The following VPS18 variants were observed in gnomAD, a reference collection of about 807,000 sequenced individuals.
VPS18 encodes the protein VPS18 core subunit of CORVET and HOPS complexes.
A neutral mutation model predicts 82.0 loss-of-function variants in VPS18; 25 were observed. The observed-to-expected ratio is 0.30, with a 90% CI of 0.22 to 0.43. VPS18 has a LOEUF of 0.43. Ranked by LOEUF, VPS18 falls within the 20% of genes least tolerant of loss-of-function variation. VPS18 has a pLI of 1.00. For missense variants in VPS18, 1,168 were observed against 1,311.1 expected (o/e 0.89, Z 1.69); for synonymous variants, 523 against 543.0 (o/e 0.96, Z 0.51).
chr15:40,900,267 C>T lies in VPS18; in HGVS notation c.1449C>T (p.Ala483=), dbSNP rs756619273. 10 of 1,613,756 alleles carry T rather than the reference C, an allele frequency of 6.2e-6. No individual in the cohort carries two copies. The highest frequency in any genetic ancestry group is 3.3e-5 in the South Asian group (3 of 91,074). ...LQRKLASLKP[A]ERTQATLLTT... is the part of the protein sequence containing the mutation. ...GAAAACTGGCCAGTTTGAAGCCAGC[C>T]GAACGTACCCAGGCCACACTGCTGA... Residue 483 remains alanine, a synonymous_variant, in exon 4 of 5, where the codon GCC becomes GCT. Coordinates refer to ENST00000220509, the MANE Select transcript of VPS18 (RefSeq NM_020857.3). This position sits in a 1 kb window ranked among gnomAD's most constrained non-coding sequence, Gnocchi z 5.4.
At position 40,903,638 on chromosome 15, in the gene VPS18, C is replaced by A. The variant is rs1021633618; in HGVS notation, c.*297C>A. 5 of 305,192 alleles carry A rather than the reference C, an allele frequency of 1.6e-5. No homozygotes were observed. Among genetic ancestry groups the A allele is most frequent in the Non-Finnish European group, 2.4e-5 (4 of 164,562 alleles). The allele number at this position is 305,192 out of a possible 1,614,324, so 18.9% of individuals were successfully genotyped here. ...CAATTCCACCCCCTGCCTCTAGCACCTCTTCTGTCCCTGTCATTCCCCACA... is the reference window on the plus strand; with the variant it reads ...CAATTCCACCCCCTGCCTCTAGCACATCTTCTGTCCCTGTCATTCCCCACA... On this transcript the variant is annotated 3_prime_UTR_variant, in exon 5 of 5. Transcript: ENST00000220509.
At position 40,902,925 on chromosome 15, in the gene VPS18, G is replaced by T; in HGVS notation, c.2506G>T (p.Asp836Tyr). 6.2e-7 allele frequency: 1 copy of T among 1,614,272 alleles called. No individual in the cohort carries two copies. The highest frequency in any genetic ancestry group is 8.5e-7 in the Non-Finnish European group (1 of 1,180,054). The change falls in exon 5 of 5, where the codon GAC becomes TAC. Residue 836 changes from aspartate to tyrosine, a missense_variant. This residue lies in a region of VPS18 where 296 missense variants were observed against 354.0 expected (regional missense o/e 0.84). Transcript: ENST00000220509. The surrounding 1 kb of genome is among the most constrained non-coding windows in gnomAD (Gnocchi z 4.2). ...ATASAQRIRRDLQELRGRYGT... is the reference protein window; with the variant it reads ...ATASAQRIRRYLQELRGRYGT... ...AGCCAGTGCCCAGCGCATCCGGCGAGACCTGCAGGAGCTGCGGGGCCGCTA... is the reference window on the plus strand; with the variant it reads ...AGCCAGTGCCCAGCGCATCCGGCGATACCTGCAGGAGCTGCGGGGCCGCTA...
Position 40,900,874 on chromosome 15 carries a change from G to C in VPS18, c.2056G>C (p.Ala686Pro), listed in dbSNP as rs781254729. ...CTCACTACTGGCCTATCTGGAGCAGGCTGGGGCCAGCCCCCACCGGGTGCA... is the reference window on the plus strand; with the variant it reads ...CTCACTACTGGCCTATCTGGAGCAGCCTGGGGCCAGCCCCCACCGGGTGCA... Reference protein sequence around the residue: ...PDSLLAYLEQAGASPHRVHYD... With the variant: ...PDSLLAYLEQPGASPHRVHYD... Residue 686 changes from alanine (A) to proline (P), a missense_variant, in exon 4 of 5, where the codon GCT becomes CCT. This residue lies in a region of VPS18 where 868 missense variants were observed against 939.8 expected (regional missense o/e 0.92). Coordinates refer to ENST00000220509, the MANE Select transcript of VPS18 (RefSeq NM_020857.3). This position sits in a 1 kb window ranked among gnomAD's most constrained non-coding sequence, Gnocchi z 5.4. 1.2e-6 allele frequency: 2 copies of C among 1,614,078 alleles called. No individual in the cohort carries two copies. The highest frequency in any genetic ancestry group is 1.7e-5 in the Admixed American group (1 of 60,036).
chr15:40,898,617 T>C (rs1421052149), intron 2 of VPS18: 3 of 432,008 alleles, frequency 6.9e-6, no homozygotes, highest in African/African-American at 6.1e-5. Flanking sequence ...ACCACAGGTG[T>C]GTACCACCAC....
chr15:40,901,570 G>C (rs1290944500), intron 4 of VPS18, among the ~76,000 whole-genome samples: 3 of 150,218 alleles, frequency 2.0e-5, no homozygotes, highest in Non-Finnish European at 4.4e-5. Context: ...CTGGGTGACA[G>C]AGCAAGACTC....
Position 40,900,363 on chromosome 15 carries a change from C to A in VPS18, c.1545C>A (p.Leu515=). The part of the protein sequence containing the change: ...ALQGDPEALT[L]YRETKECFRT... ...AGGGCGACCCAGAGGCCCTGACTCT[C>A]TACCGAGAAACCAAGGAATGCTTTC... The change falls in exon 4 of 5, where the codon CTC becomes CTA. Residue 515 remains leucine (L), a synonymous_variant. Coordinates refer to ENST00000220509, the MANE Select transcript of VPS18 (RefSeq NM_020857.3). The surrounding 1 kb of genome is among the most constrained non-coding windows in gnomAD (Gnocchi z 5.4). 6.2e-7 allele frequency: 1 copy of A among 1,613,766 alleles called. No homozygotes were observed. Among genetic ancestry groups the A allele is most frequent in the Non-Finnish European group, 8.5e-7 (1 of 1,180,012 alleles).
At chr15:40,901,136 T>A in intron 4 of VPS18, 122 bp downstream of exon 4, 1 of 1,016,866 alleles carries the variant, frequency 9.8e-7, no homozygotes, top group Non-Finnish European at 1.4e-6. Flanking sequence ...GAGGGAAGGT[T>A]AAGAGCATGG....
chr15:40,900,838 G>GACTCACAGA lies in VPS18; in HGVS notation c.2020_2021insACTCACAGA (p.Gly674delinsAspSerGlnSer). ...CTACCTGCTGTCACTGTATGCCCGT[G>GACTCACAGA]GCCGGCCGGACTCACTACTGGCCTA... On this transcript the variant is annotated protein_altering_variant, in exon 4 of 5. Coordinates refer to ENST00000220509, the MANE Select transcript of VPS18 (RefSeq NM_020857.3). The surrounding 1 kb of genome is among the most constrained non-coding windows in gnomAD (Gnocchi z 5.4). 1 of 1,614,174 alleles carries GACTCACAGA rather than the reference G, an allele frequency of 6.2e-7. No homozygotes were observed. The highest frequency in any genetic ancestry group is 8.5e-7 in the Non-Finnish European group (1 of 1,180,040).
At chr15:40,897,129 C>G (rs1892243014) in intron 2 of VPS18, among the ~76,000 whole-genome samples, 2 of 151,894 alleles carry the variant, frequency 1.3e-5, no homozygotes, top group Admixed American at 1.3e-4. Flanking sequence ...AACCCCTTCT[C>G]TACTAAAAAT....
chr15:40,898,013 C>T (rs1188363211), intron 2 of VPS18, among the ~76,000 whole-genome samples: 1 of 152,202 alleles, frequency 6.6e-6, no homozygotes, highest in Admixed American at 6.5e-5. Context: ...GTCACCCAGG[C>T]TGGAGTGCAG....
chr15:40,894,671 G>A lies in VPS18; in HGVS notation c.-98G>A. On this transcript the variant is annotated 5_prime_UTR_variant, in exon 1 of 5. Transcript: ENST00000220509. Reference sequence around the variant, plus strand: ...GGTTCCCAGGATCTGTCAGAGGCTGGGGAGTTACAGCTTCCATTCTGGGGC... The same window carrying A: ...GGTTCCCAGGATCTGTCAGAGGCTGAGGAGTTACAGCTTCCATTCTGGGGC... 5.1e-6 allele frequency: 6 copies of A among 1,170,508 alleles called. No individual in the cohort carries two copies. Among genetic ancestry groups the A allele is most frequent in the Admixed American group, 2.7e-5 (1 of 36,508 alleles). 72.5% of individuals were successfully genotyped at this position (1,170,508 alleles called of 1,614,324 possible). A position where few individuals can be genotyped will look rare whatever the true frequency, so the allele number is the denominator to read the frequency against.
Position 40,900,645 on chromosome 15 carries a change from G to A in VPS18, c.1827G>A (p.Gln609=). The A allele has an allele frequency of 1.2e-6, 2 of 1,614,154 alleles. No individual in the cohort carries two copies. The highest frequency in any genetic ancestry group is 1.7e-6 in the Non-Finnish European group (2 of 1,180,046). Residue 609 remains glutamine (Q), a synonymous_variant, in exon 4 of 5, where the codon CAG becomes CAA. Transcript: ENST00000220509. The surrounding 1 kb of genome is among the most constrained non-coding windows in gnomAD (Gnocchi z 5.4). ...SPILIRHIPR[Q]LVDAWIEMGS... The stretch of plus-strand genomic sequence containing the variant: ...TCCTCATCCGTCACATCCCCCGCCA[G>A]CTTGTAGATGCCTGGATTGAGATGG...
In VPS18 at chr15:40,899,724, T is replaced by G; in HGVS notation, c.906T>G (p.Pro302=). 2 of 1,613,976 alleles carry G rather than the reference T, an allele frequency of 1.2e-6. No individual in the cohort carries two copies. The highest frequency in any genetic ancestry group is 1.7e-6 in the Non-Finnish European group (2 of 1,180,034). ...ATGGGGCATTGGACTGTGGGCGCCC[T>G]GACTCTCTGCTGAGCGAGGAGCGAG... is the stretch of plus-strand genomic sequence containing the variant. ...VLYGALDCGR[P]DSLLSEERVW... Residue 302 remains proline (P), a synonymous_variant, in exon 4 of 5, where the codon CCT becomes CCG. Transcript: ENST00000220509. This position sits in a 1 kb window ranked among gnomAD's most constrained non-coding sequence, Gnocchi z 4.4.
intron 2 of VPS18, among the ~76,000 whole-genome samples, chr15:40,897,896 T>C (rs1892255925): frequency 6.6e-6 from 1 of 152,228 alleles, no homozygotes; most frequent in Non-Finnish European, 1.5e-5. Context: ...TAGTGATTTC[T>C]CAAAATAAGG....
At chr15:40,898,376 G>A (rs1478082015) in intron 2 of VPS18, among the ~76,000 whole-genome samples, 1 of 151,876 alleles carries the variant, frequency 6.6e-6, no homozygotes, top group East Asian at 1.9e-4. Context: ...TGAGATGACA[G>A]GTGTGAGCCA....
chr15:40,899,826 G>C lies in VPS18; in HGVS notation c.1008G>C (p.Leu336=), dbSNP rs753143819. The change falls in exon 4 of 5, where the codon CTG becomes CTC. Residue 336 remains leucine, a synonymous_variant. Transcript: ENST00000220509. The surrounding 1 kb of genome is among the most constrained non-coding windows in gnomAD (Gnocchi z 4.4). ...TCGTCTTGACCCAGTTCCACTTCCT[G>C]CTGCTACTGGCAGACCGGGTGGAGG... ...LAIVLTQFHF[L]LLLADRVEAV... is the part of the protein sequence containing the mutation. 6.2e-7 allele frequency: 1 copy of C among 1,609,592 alleles called. No individual in the cohort carries two copies.
chr15:40,903,308 G>C lies in VPS18; in HGVS notation c.2889G>C (p.Gln963His). 1.3e-6 allele frequency: 2 copies of C among 1,551,796 alleles called. No individual in the cohort carries two copies. ...RSIDRPFIDP[Q>H]RYEEEQLSWL ...TCGACCGGCCGTTCATCGACCCCCA[G>C]CGCTACGAGGAGGAGCAGCTCAGTT... Residue 963 changes from glutamine to histidine, a missense_variant, in exon 5 of 5, where the codon CAG becomes CAC. Coordinates refer to ENST00000220509, the MANE Select transcript of VPS18 (RefSeq NM_020857.3).
Position 40,894,745 on chromosome 15 carries a change from C to A in VPS18, c.-24C>A. 2 of 1,538,998 alleles carry A rather than the reference C, an allele frequency of 1.3e-6. No individual in the cohort carries two copies. Among genetic ancestry groups the A allele is most frequent in the Non-Finnish European group, 8.8e-7 (1 of 1,140,394 alleles). On this transcript the variant is annotated 5_prime_UTR_variant, in exon 1 of 5. Coordinates refer to ENST00000220509, the MANE Select transcript of VPS18 (RefSeq NM_020857.3). ...CCTTTTGTAATCCCCAGGCCCCGGA[C>A]AAAGAGCCCAGAGGCCGGGCACCAT...
At chr15:40,897,470 A>C (rs1892249173) in intron 2 of VPS18, among the ~76,000 whole-genome samples, 1 of 152,246 alleles carries the variant, frequency 6.6e-6, no homozygotes, top group Non-Finnish European at 1.5e-5. Context: ...TAATGACAGC[A>C]ACAAAACCAC....
Sources: gnomAD v4.1 joint callset for allele counts (sites outside exome capture counted in the v4.1 genomes callset) on GRCh38, gnomAD v4.1.1 for gene constraint, gnomAD v4.1.1 regional missense constraint, Gnocchi (gnomAD v3.1) non-coding constraint, MANE v1.5 for transcripts, NCBI Gene and HGNC (gene_info 2026-07-23, HGNC 2026-07-21) for gene names.